RAB11A: variants seen among roughly 807,000 people sequenced by gnomAD.
RAB11A encodes the protein ras-related protein Rab-11A.
Under a neutral mutation model 28.0 loss-of-function variants are expected in RAB11A, and 9 were observed. The observed-to-expected ratio is 0.32, with a 90% CI of 0.19 to 0.56. The LOEUF is 0.56. RAB11A is among the 20% of genes least tolerant of loss of function. The pLI, the probability that RAB11A is intolerant of heterozygous loss-of-function variation, is 0.91. For synonymous variants in RAB11A, 85 were observed against 88.2 expected, an observed-to-expected ratio of 0.96 and a Z score of 0.20; for missense variants, 108 against 269.6, an observed-to-expected ratio of 0.40 and a Z score of 4.20.
At chr15:65,873,123 A>G (rs1286666097) in intron 1 of RAB11A, among the ~76,000 whole-genome samples, 1 of 152,234 alleles carries the variant, frequency 6.6e-6, no homozygotes, top group East Asian at 1.9e-4. Context: ...TTTAAGCCCA[A>G]TAGTGAGACT....
At chr15:65,883,680 G>A (rs558896083) in intron 4 of RAB11A, among the ~76,000 whole-genome samples, 2 of 151,752 alleles carry the variant, frequency 1.3e-5, no homozygotes, top group African/African-American at 2.4e-5. Context: ...TCAGCCTCCC[G>A]GGTAGCTGGG....
chr15:65,871,033 T>C (rs2078157647), intron 1 of RAB11A, among the ~76,000 whole-genome samples: 2 of 152,166 alleles, frequency 1.3e-5, no homozygotes, highest in African/African-American at 2.4e-5. Context: ...TCATTACCAC[T>C]GAGGAAGAAG....
At chr15:65,873,749 C>T (rs769768988) in intron 1 of RAB11A, among the ~76,000 whole-genome samples, 14 of 151,616 alleles carry the variant, frequency 9.2e-5, no homozygotes, top group Non-Finnish European at 1.8e-4. Context: ...ATCCCACTTA[C>T]AGAAATAAAA....
Position 65,887,883 on chromosome 15 carries a change from C to A in RAB11A, c.*43C>A. 2 of 1,464,520 alleles carry A rather than the reference C, an allele frequency of 1.4e-6. No homozygotes were observed. The highest frequency in any genetic ancestry group is 9.1e-7 in the Non-Finnish European group (1 of 1,102,096). The allele number at this position is 1,464,520 out of a possible 1,614,324, so 90.7% of individuals were successfully genotyped here. A position where few individuals can be genotyped will look rare whatever the true frequency, so the allele number is the denominator to read the frequency against. The stretch of plus-strand genomic sequence containing the variant: ...CTAGAAGGCTGTGTATAGTCCATTT[C>A]CCAGGTCTGAGATTTAAATATATTT... On this transcript the variant is annotated 3_prime_UTR_variant, in exon 5 of 5. Coordinates refer to ENST00000261890, the MANE Select transcript of RAB11A (RefSeq NM_004663.5).
intron 4 of RAB11A, among the ~76,000 whole-genome samples, chr15:65,882,693 A>G (rs1054498964): frequency 1.3e-5 from 2 of 152,144 alleles, no homozygotes; most frequent in African/African-American, 4.8e-5. Context: ...ATGAATTTGA[A>G]AGTGACTCCA....
intron 4 of RAB11A, 137 bp downstream of exon 4, chr15:65,879,888 T>A (rs867807228): frequency 1.6e-6 from 1 of 627,008 alleles, no homozygotes; most frequent in Middle Eastern, 4.0e-4. Flanking sequence ...AAAAGCTGTT[T>A]AGAGTGCAAA....
At position 65,877,260 on chromosome 15, in the gene RAB11A, C is replaced by T; in HGVS notation, c.41-72C>T. ...ATTTACTCTGAAGCCAAACTTCATT[C>T]TGTTGAAAGCATAGTGGTGTTCTGA... is the stretch of plus-strand genomic sequence containing the variant. On this transcript the variant is annotated intron_variant, in intron 1 of 4. Transcript: ENST00000261890. The surrounding 1 kb of genome is among the most constrained non-coding windows in gnomAD (Gnocchi z 4.1). The T allele has an allele frequency of 1.6e-6, 2 of 1,264,800 alleles. No individual in the cohort carries two copies. Among genetic ancestry groups the T allele is most frequent in the South Asian group, 3.0e-5 (2 of 66,788 alleles). 78.3% of individuals were successfully genotyped at this position (1,264,800 alleles called of 1,614,324 possible).
chr15:65,869,525 G>A lies in RAB11A; in HGVS notation c.-61G>A. On this transcript the variant is annotated 5_prime_UTR_variant, in exon 1 of 5. Transcript: ENST00000261890. ...TCGGCGCTCGGGTTACCCCTGCAGC[G>A]ACGCCCCCTGGTCCCACAGATACCA... 2 of 1,587,148 alleles carry A rather than the reference G, an allele frequency of 1.3e-6. No individual in the cohort carries two copies. Among genetic ancestry groups the A allele is most frequent in the Non-Finnish European group, 1.7e-6 (2 of 1,167,782 alleles).
rs2078297257 is a variant in RAB11A, at chr15:65,891,615, T to C, written c.*3775T>C. 6.6e-6 allele frequency: 1 copy of C among 152,238 alleles called. No homozygotes were observed. Among genetic ancestry groups the C allele is most frequent in the Non-Finnish European group, 1.5e-5 (1 of 68,028 alleles). The allele number at this position is 152,238 out of a possible 1,614,324, so 9.4% of individuals were successfully genotyped here. ...TCTGTAATTCTCTGAATGAACTCTC[T>C]CTTCAATTAAAGCCAAATTATTAAC... On this transcript the variant is annotated 3_prime_UTR_variant, in exon 5 of 5. Transcript: ENST00000261890.
At chr15:65,872,184 A>G (rs1179554296) in intron 1 of RAB11A, among the ~76,000 whole-genome samples, 2 of 151,552 alleles carry the variant, frequency 1.3e-5, no homozygotes, top group Non-Finnish European at 2.9e-5. Context: ...GCACTCCTGG[A>G]CTTAAGCAAT....
rs1487567227 is a variant in RAB11A, at chr15:65,888,028, T to C, written c.*188T>C. On this transcript the variant is annotated 3_prime_UTR_variant, in exon 5 of 5. Transcript: ENST00000261890. ...CTTGTCCCGAATGACTGCAGCTTTT[T>C]TTCATGCTATGGCTTCACTAGCCTT... is the stretch of plus-strand genomic sequence containing the variant. 1.5e-5 allele frequency: 8 copies of C among 530,978 alleles called. No individual in the cohort carries two copies. Among genetic ancestry groups the C allele is most frequent in the South Asian group, 4.1e-5 (1 of 24,274 alleles). 32.9% of individuals were successfully genotyped at this position (530,978 alleles called of 1,614,324 possible).
At chr15:65,886,049 C>T (rs1345123104) in intron 4 of RAB11A, among the ~76,000 whole-genome samples, 1 of 152,160 alleles carries the variant, frequency 6.6e-6, no homozygotes. Flanking sequence ...ACAATTGTCC[C>T]TTTTAGTGGG....
intron 3 of RAB11A, among the ~76,000 whole-genome samples, chr15:65,879,048 G>T (rs970485933): frequency 4.0e-5 from 6 of 150,632 alleles, no homozygotes; most frequent in Non-Finnish European, 8.8e-5. Context: ...TTCTGGAGTG[G>T]AGTGGCACAG....
Position 65,891,855 on chromosome 15 carries a change from G to A in RAB11A, c.*4015G>A, listed in dbSNP as rs1346674327. 1 of 152,096 alleles carries A rather than the reference G, an allele frequency of 6.6e-6. No individual in the cohort carries two copies. The highest frequency in any genetic ancestry group is 2.4e-5 in the African/African-American group (1 of 41,410). 9.4% of individuals were successfully genotyped at this position (152,096 alleles called of 1,614,324 possible). ...AAGTACCATATATGCTAAGGGAGAG[G>A]AGCACTTGATGGGCTGCTATGTTAA... On this transcript the variant is annotated 3_prime_UTR_variant, in exon 5 of 5. Coordinates refer to ENST00000261890, the MANE Select transcript of RAB11A (RefSeq NM_004663.5).
Position 65,879,760 on chromosome 15 carries a change from T to G in RAB11A, c.511+9T>G. ...TCAGACAATTTTAACAGGTAAGACT[T>G]GTATTTTCAGATTACACCAGTAGGA... On this transcript the variant is annotated intron_variant, in intron 4 of 4. Coordinates refer to ENST00000261890, the MANE Select transcript of RAB11A (RefSeq NM_004663.5). 6.5e-7 allele frequency: 1 copy of G among 1,541,520 alleles called. No homozygotes were observed. Among genetic ancestry groups the G allele is most frequent in the Non-Finnish European group, 8.9e-7 (1 of 1,117,332 alleles).
At chr15:65,875,375 A>G (rs1469274855) in intron 1 of RAB11A, among the ~76,000 whole-genome samples, 1 of 152,198 alleles carries the variant, frequency 6.6e-6, no homozygotes, top group Non-Finnish European at 1.5e-5. Flanking sequence ...CAGTGAATGT[A>G]TCCTATTAAT....
intron 4 of RAB11A, among the ~76,000 whole-genome samples, chr15:65,883,646 CT>C (rs2078236368): frequency 6.6e-6 from 1 of 151,940 alleles, no homozygotes; most frequent in Non-Finnish European, 1.5e-5. Flanking sequence ...ACTCTGCCTC[CT>C]AGGTTCAAGC....
At chr15:65,876,632 A>G (rs954178844) in intron 1 of RAB11A, among the ~76,000 whole-genome samples, 3 of 152,186 alleles carry the variant, frequency 2.0e-5, no homozygotes, top group African/African-American at 7.2e-5. Context: ...TGTCAGAATT[A>G]TTAGTTTCCT....
intron 4 of RAB11A, 93 bp downstream of exon 4, chr15:65,879,844 C>A: frequency 2.2e-6 from 2 of 925,742 alleles, no homozygotes; most frequent in Admixed American, 2.6e-5. Flanking sequence ...TATATATCAG[C>A]CGAGAGTGAC....
Sources: allele counts gnomAD v4.1 joint callset (sites outside exome capture counted in the v4.1 genomes callset), GRCh38; gene constraint gnomAD v4.1.1; non-coding constraint Gnocchi (gnomAD v3.1); transcripts MANE v1.5; gene names NCBI Gene and HGNC (gene_info 2026-07-23, HGNC 2026-07-21).